HECW2: variants seen among roughly 807,000 people sequenced by gnomAD.
HECW2 encodes the protein HECT, C2 and WW domain containing E3 ubiquitin protein ligase 2.
In HECW2, 61 loss-of-function variants were observed where a neutral mutation model predicts 175.2. The observed-to-expected ratio is 0.35, with a 90% CI of 0.28 to 0.43. The LOEUF (loss-of-function observed/expected upper bound fraction) is 0.43, where lower values mean the gene tolerates loss of function less well. HECW2 is among the 20% of genes least tolerant of loss of function. HECW2 has a pLI of 1.00. For synonymous variants in HECW2, 671 were observed against 731.0 expected (o/e 0.92, Z 1.32); for missense variants, 1,524 against 2,000.5 (o/e 0.76, Z 4.54).
chr2:196,508,532 T>C (rs1687843664), intron 1 of HECW2, among the ~76,000 whole-genome samples: 1 of 152,208 alleles, frequency 6.6e-6, no homozygotes, highest in Non-Finnish European at 1.5e-5. Context: ...CAGAGAGTTG[T>C]GTGTAGGATG....
At chr2:196,458,436 TCACACA>T (rs34752264) in intron 1 of HECW2, among the ~76,000 whole-genome samples, 22 of 146,826 alleles carry the variant, frequency 1.5e-4, no homozygotes, top group Non-Finnish European at 7.6e-5. Context: ...TCTCACTCAC[TCACACA>T]CACACACACA....
Position 196,215,851 on chromosome 2 carries a change from AT to A in HECW2, c.4607+13del, listed in dbSNP as rs771850080. 1.4e-5 allele frequency: 22 copies of A among 1,543,520 alleles called. No homozygotes were observed. Among genetic ancestry groups the A allele is most frequent in the Non-Finnish European group, 2.0e-5 (22 of 1,116,036 alleles). On this transcript the variant is annotated intron_variant, in intron 28 of 28. Coordinates refer to ENST00000644978, the MANE Select transcript of HECW2 (RefSeq NM_001348768.2). ...AATGTTGTGACAGTAAAGAAATGTT[AT>A]TTTATATTTTACCTGGGAAGAGCAG...
intron 2 of HECW2, among the ~76,000 whole-genome samples, chr2:196,352,366 C>T (rs1693201530): frequency 6.6e-6 from 1 of 152,068 alleles, no homozygotes; most frequent in South Asian, 2.1e-4. Flanking sequence ...ACAACACGGG[C>T]TTAGAAGAGC....
intron 2 of HECW2, among the ~76,000 whole-genome samples, chr2:196,358,583 CTCAAAAAAAAAAA>C (rs1559065534): frequency 2.2e-5 from 1 of 45,494 alleles, no homozygotes; most frequent in East Asian, 6.6e-4. Context: ...AAGACTCTGT[CTCAAAAAAAAAAA>C]AAAAAAAAAA....
In HECW2 at chr2:196,292,558, G is replaced by A. The variant is rs200874055; in HGVS notation, c.3000+7C>T. The A allele has an allele frequency of 6.7e-4, 1,085 of 1,609,344 alleles. 7 individuals are homozygous for A. Among genetic ancestry groups the A allele is most frequent in the Admixed American group, 7.5e-4 (45 of 59,926 alleles). Reference sequence around the variant, plus strand: ...TGGCACTCCCTGAGGCATCTCCCTCGTGTTACCTTGCCCTGGTGATCATGT... The same window carrying A: ...TGGCACTCCCTGAGGCATCTCCCTCATGTTACCTTGCCCTGGTGATCATGT... On this transcript the variant is annotated splice_region_variant and intron_variant, in intron 14 of 28. Transcript: ENST00000644978.
chr2:196,370,000 G>T (rs7593891), intron 2 of HECW2, among the ~76,000 whole-genome samples: 11,204 of 151,926 alleles, frequency 0.074, 624 homozygotes, highest in African/African-American at 0.16. Context: ...CACCAGTGGG[G>T]AGTGTCCTCA....
At chr2:196,334,293 A>G in intron 4 of HECW2, 131 bp downstream of exon 4, 1 of 642,266 alleles carries the variant, frequency 1.6e-6, no homozygotes, top group Non-Finnish European at 2.7e-6. Context: ...CCTTTCCTAT[A>G]ACAGTGCCCA....
chr2:196,471,000 C>T (rs1575583957), intron 1 of HECW2, among the ~76,000 whole-genome samples: 1 of 150,198 alleles, frequency 6.7e-6, no homozygotes, highest in Non-Finnish European at 1.5e-5. Flanking sequence ...TATTTCACAT[C>T]CACCAAATTG....
chr2:196,551,089 G>A (rs114358193), intron 1 of HECW2, among the ~76,000 whole-genome samples: 1,610 of 152,268 alleles, frequency 0.011, 33 homozygotes, highest in African/African-American at 0.037. Context: ...AAATTCCATT[G>A]CCTCCAAAGG....
At chr2:196,265,817 T>C (rs1689492013) in intron 17 of HECW2, among the ~76,000 whole-genome samples, 1 of 152,220 alleles carries the variant, frequency 6.6e-6, no homozygotes, top group African/African-American at 2.4e-5. Context: ...CAGACGAGGA[T>C]GACAACTTGG....
intron 2 of HECW2, among the ~76,000 whole-genome samples, chr2:196,389,754 T>C (rs770055556): frequency 6.6e-6 from 1 of 152,200 alleles, no homozygotes; most frequent in Non-Finnish European, 1.5e-5. Flanking sequence ...AGCCAATTTA[T>C]CATCACAAGT....
chr2:196,439,031 G>A (rs567976217), intron 1 of HECW2, among the ~76,000 whole-genome samples: 33 of 152,132 alleles, frequency 2.2e-4, no homozygotes, highest in African/African-American at 6.5e-4. Context: ...AATATATACC[G>A]GTTATTTGTA....
At position 196,223,533 on chromosome 2, in the gene HECW2, T is replaced by C. The variant is rs1687745851; in HGVS notation, c.4017-1193A>G. 3.9e-5 allele frequency among the ~76,000 whole-genome samples: 6 copies of C among 152,176 alleles called. 1 individual carries two copies. The highest frequency in any genetic ancestry group is 3.9e-4 in the Admixed American group (6 of 15,278). ...GGATGTGTACAGGAAACTCCAAGCA[T>C]ATCAGCAGTTTGAGAGAGTTAACCT... On this transcript the variant is annotated intron_variant, in intron 23 of 28. Transcript: ENST00000644978.
chr2:196,297,195 CTT>C (rs1227953037), intron 13 of HECW2, among the ~76,000 whole-genome samples: 6 of 152,310 alleles, frequency 3.9e-5, no homozygotes, highest in Middle Eastern at 3.4e-3. Context: ...GGAAACAACA[CTT>C]TGTTTTCCTT....
At chr2:196,324,338 C>T (rs572602236) in intron 6 of HECW2, among the ~76,000 whole-genome samples, 99 of 151,894 alleles carry the variant, frequency 6.5e-4, no homozygotes, top group East Asian at 1.2e-3. Context: ...ATGAGAAAAC[C>T]CTTTGCTTGA....
At position 196,322,614 on chromosome 2, in the gene HECW2, A is replaced by T; in HGVS notation, c.748T>A (p.Ser250Thr). The T allele has an allele frequency of 6.2e-7, 1 of 1,611,918 alleles. No homozygotes were observed. The highest frequency in any genetic ancestry group is 8.5e-7 in the Non-Finnish European group (1 of 1,178,378). ...TNPIWHREKY[S>T]FFALLTDVLE... ...ACATCAGTAAGAAGTGCAAAAAAGG[A>T]ATATTTCTGAAAACACAAACAGATA... Residue 250 changes from serine to threonine, a missense_variant, in exon 7 of 29, where the codon TCC (serine) becomes ACC (threonine). Ser to Thr is a moderately conservative substitution (Grantham distance 58). This residue lies in a region of HECW2 where 95 missense variants were observed against 136.8 expected (regional missense o/e 0.69). Coordinates refer to ENST00000644978, the MANE Select transcript of HECW2 (RefSeq NM_001348768.2).
intron 1 of HECW2, among the ~76,000 whole-genome samples, chr2:196,546,117 T>C (rs565228954): frequency 6.6e-6 from 1 of 152,338 alleles, no homozygotes; most frequent in South Asian, 2.1e-4. Context: ...AGGACAAAAG[T>C]GCATGTTTGC....
intron 21 of HECW2, among the ~76,000 whole-genome samples, chr2:196,235,573 T>C (rs758523711): frequency 4.0e-5 from 6 of 151,844 alleles, no homozygotes; most frequent in Non-Finnish European, 5.9e-5. Flanking sequence ...TTCAGATGTA[T>C]GCAAATAAAG....
chr2:196,523,524 T>C (rs921540507), intron 1 of HECW2, among the ~76,000 whole-genome samples: 7 of 148,184 alleles, frequency 4.7e-5, no homozygotes, highest in Admixed American at 3.4e-4. Context: ...TGAATAGGAG[T>C]GGTGAGAGAG....
Sources: gnomAD v4.1 joint callset for allele counts (sites outside exome capture counted in the v4.1 genomes callset) on GRCh38, gnomAD v4.1.1 for gene constraint, gnomAD v4.1.1 regional missense constraint, MANE v1.5 for transcripts, NCBI Gene and HGNC (gene_info 2026-07-23, HGNC 2026-07-21) for gene names.